APP: variants seen among roughly 807,000 people sequenced by gnomAD.
APP encodes the protein amyloid-beta precursor protein.
In APP, 31 loss-of-function variants were observed where a neutral mutation model predicts 101.4. The ratio of observed to expected loss-of-function variants is 0.31; its 90% CI spans 0.23 to 0.41. The LOEUF is 0.41. Among genes scored for constraint, APP ranks in the 10% least tolerant of loss-of-function variants. The probability of loss-of-function intolerance (pLI) is 1.00; values close to 1 mark genes in which losing one functional copy is unlikely to be tolerated. For synonymous variants in APP, 366 were observed against 364.4 expected, an observed-to-expected ratio of 1.00 and a Z score of -0.05; for missense variants, 839 against 1,003.7, an observed-to-expected ratio of 0.84 and a Z score of 2.22.
At chr21:25,983,630 T>C (rs2042523790) in intron 8 of APP, among the ~76,000 whole-genome samples, 1 of 152,238 alleles carries the variant, frequency 6.6e-6, no homozygotes, top group Admixed American at 6.5e-5. Context: ...TTAAACAGTA[T>C]CTTTCATTTT....
At chr21:25,971,274 T>C (rs921195562) in intron 11 of APP, among the ~76,000 whole-genome samples, 3 of 152,066 alleles carry the variant, frequency 2.0e-5, no homozygotes, top group Non-Finnish European at 2.9e-5. Context: ...TCTTGATCTC[T>C]TGACCTCGTG....
At chr21:25,998,193 A>T (rs754587510) in intron 7 of APP, among the ~76,000 whole-genome samples, 4 of 152,190 alleles carry the variant, frequency 2.6e-5, no homozygotes, top group Non-Finnish European at 4.4e-5. Flanking sequence ...GGGAGAAAAA[A>T]GTTGCAAATC....
chr21:26,111,985 G>A lies in APP; in HGVS notation c.219C>T (p.Cys73=). ...GCCACCGGACAGGACTTACTTCTTGGCAATACTGCAGGATGCCTTCCTTGG... is the reference window on the plus strand; with the variant it reads ...GCCACCGGACAGGACTTACTTCTTGACAATACTGCAGGATGCCTTCCTTGG... ...IDTKEGILQY[C]QEVYPELQIT... is the part of the protein sequence containing the mutation. The change falls in exon 2 of 18, where the codon TGC becomes TGT. Residue 73 remains cysteine, a synonymous_variant. Transcript: ENST00000346798. 1 of 1,613,980 alleles carries A rather than the reference G, an allele frequency of 6.2e-7. No homozygotes were observed. Among genetic ancestry groups the A allele is most frequent in the East Asian group, 2.2e-5 (1 of 44,882 alleles).
chr21:25,980,535 A>G (rs1568801330), intron 9 of APP, among the ~76,000 whole-genome samples: 1 of 152,186 alleles, frequency 6.6e-6, no homozygotes, highest in African/African-American at 2.4e-5. Context: ...TTAGGTTTTC[A>G]TCGTGGGCAG....
chr21:25,950,950 CAGA>C (rs1330867780), intron 13 of APP, among the ~76,000 whole-genome samples: 2 of 152,118 alleles, frequency 1.3e-5, no homozygotes, highest in Non-Finnish European at 2.9e-5. Flanking sequence ...AGTAAATTTC[CAGA>C]AGGACATGAG....
At chr21:26,090,753 G>A (rs1453982945) in intron 2 of APP, among the ~76,000 whole-genome samples, 1 of 151,990 alleles carries the variant, frequency 6.6e-6, no homozygotes, top group East Asian at 1.9e-4. Flanking sequence ...CTCACTAATC[G>A]GACAAACATT....
At chr21:26,141,901 G>A (rs1391257760) in intron 1 of APP, among the ~76,000 whole-genome samples, 1 of 152,184 alleles carries the variant, frequency 6.6e-6, no homozygotes, top group Admixed American at 6.5e-5. Flanking sequence ...ACCTGTGGAA[G>A]GCCCTCAACC....
At chr21:25,986,555 C>A (rs1040306529) in intron 8 of APP, among the ~76,000 whole-genome samples, 2 of 152,088 alleles carry the variant, frequency 1.3e-5, no homozygotes, top group East Asian at 3.9e-4. Context: ...AAAAAATTAG[C>A]AGGGTGTGGT....
intron 8 of APP, among the ~76,000 whole-genome samples, chr21:25,994,515 ATTG>A (rs1403344223): frequency 5.3e-5 from 8 of 152,196 alleles, no homozygotes; most frequent in African/African-American, 1.9e-4. Context: ...ATGGCAAATT[ATTG>A]TTTTTATAAT....
At chr21:26,133,985 T>C (rs566774888) in intron 1 of APP, among the ~76,000 whole-genome samples, 1 of 152,350 alleles carries the variant, frequency 6.6e-6, no homozygotes, top group African/African-American at 2.4e-5. Context: ...CAGTCCTTTA[T>C]AACCCATTGA....
rs10579923 is a variant in APP at position 26,105,068 on chromosome 21, C to CAAA, written c.225+6908_225+6910dup. Among the ~76,000 whole-genome samples the CAAA allele has an allele frequency of 2.1e-3, 235 of 109,920 alleles. 1 individual carries two copies. The highest frequency in any genetic ancestry group is 4.9e-3 in the Middle Eastern group (1 of 204). The allele number at this position is 109,920 out of a possible 152,430, so 72.1% of individuals were successfully genotyped here. On this transcript the variant is annotated intron_variant, in intron 2 of 17. Transcript: ENST00000346798. ...ACTAATGGTTTCCACGCATTTTTTTCAAAAAAAAAAAAAAAAAAAAAGAAG... is the reference window on the plus strand; with the variant it reads ...ACTAATGGTTTCCACGCATTTTTTTCAAAAAAAAAAAAAAAAAAAAAAAAGAAG...
intron 13 of APP, among the ~76,000 whole-genome samples, chr21:25,930,090 G>A (rs1313863815): frequency 6.6e-6 from 1 of 152,174 alleles, no homozygotes; most frequent in East Asian, 1.9e-4. Flanking sequence ...CCTTCCAACA[G>A]GACAAGGGAG....
In APP at chr21:26,031,540, T is replaced by C. The variant is rs567826900; in HGVS notation, c.663-9498A>G. ...GAATCATGGCGGGAGGTGAAAGGCA[T>C]TTCTTACATGGTGGCGGCAAGAGAA... On this transcript the variant is annotated intron_variant, in intron 5 of 17. Transcript: ENST00000346798. 7.4e-4 allele frequency among the ~76,000 whole-genome samples: 112 copies of C among 152,194 alleles called. 1 individual carries two copies. The highest frequency in any genetic ancestry group is 7.2e-3 in the East Asian group (37 of 5,172).
At chr21:26,017,196 C>A (rs1478894385) in intron 6 of APP, among the ~76,000 whole-genome samples, 1 of 2,392 alleles carries the variant, frequency 4.2e-4, no homozygotes, top group Non-Finnish European at 2.2e-3. Flanking sequence ...GAGACTGTAT[C>A]TCAAAAAAAA....
At chr21:26,050,794 A>G (rs2045804975) in intron 5 of APP, among the ~76,000 whole-genome samples, 2 of 152,236 alleles carry the variant, frequency 1.3e-5, no homozygotes, top group Non-Finnish European at 2.9e-5. Flanking sequence ...AAATAGTTAA[A>G]ATTAACTCTG....
intron 5 of APP, among the ~76,000 whole-genome samples, chr21:26,027,525 C>T (rs1601254246): frequency 6.6e-6 from 1 of 152,124 alleles, no homozygotes; most frequent in South Asian, 2.1e-4. Flanking sequence ...GTACTTCTCC[C>T]GCATAAAGGC....
chr21:25,883,585 C>T (rs1189623379), intron 17 of APP, among the ~76,000 whole-genome samples: 1 of 152,064 alleles, frequency 6.6e-6, no homozygotes, highest in Non-Finnish European at 1.5e-5. Context: ...CCCAGCTACT[C>T]CAGAGGCTGA....
At chr21:26,105,927 G>T (rs2062173670) in intron 2 of APP, among the ~76,000 whole-genome samples, 1 of 152,112 alleles carries the variant, frequency 6.6e-6, no homozygotes, top group South Asian at 2.1e-4. Context: ...CCCTCTTCTG[G>T]CAACAGCTCC....
chr21:25,918,438 A>G (rs2039460613), intron 13 of APP, among the ~76,000 whole-genome samples: 3 of 152,062 alleles, frequency 2.0e-5, no homozygotes, highest in African/African-American at 7.2e-5. Flanking sequence ...GACGCAGAAG[A>G]CGGGTGATTT....
Sources: allele counts gnomAD v4.1 joint callset (sites outside exome capture counted in the v4.1 genomes callset), GRCh38; gene constraint gnomAD v4.1.1; transcripts MANE v1.5; gene names NCBI Gene and HGNC (gene_info 2026-07-23, HGNC 2026-07-21).